FAM118A: variants seen among roughly 807,000 people sequenced by gnomAD.
FAM118A encodes protein FAM118A.
In FAM118A, 25 loss-of-function variants were observed where a neutral mutation model predicts 38.2. That is an observed-to-expected ratio of 0.65 (90% CI 0.48 to 0.91). FAM118A has a LOEUF of 0.91. FAM118A is among the 40% of genes least tolerant of loss of function. The pLI, the probability that FAM118A is intolerant of heterozygous loss-of-function variation, is 0.00. For missense variants in FAM118A, 425 were observed against 463.3 expected (o/e 0.92, Z 0.76); for synonymous variants, 178 against 184.1 (o/e 0.97, Z 0.27).
intron 8 of FAM118A, among the ~76,000 whole-genome samples, chr22:45,339,772 C>T (rs1188669121): frequency 6.6e-6 from 1 of 152,198 alleles, no homozygotes; most frequent in Non-Finnish European, 1.5e-5. Flanking sequence ...TAGATTTTGT[C>T]CCCCCGTGGC....
chr22:45,324,401 A>G (rs960751681), intron 3 of FAM118A, among the ~76,000 whole-genome samples: 2 of 152,002 alleles, frequency 1.3e-5, no homozygotes, highest in Non-Finnish European at 2.9e-5. Flanking sequence ...TGGAGGAGGG[A>G]AGTGCGGGGA....
chr22:45,340,663 A>C lies in FAM118A; in HGVS notation c.*258A>C. 1.9e-6 allele frequency: 1 copy of C among 538,024 alleles called. No individual in the cohort carries two copies. The highest frequency in any genetic ancestry group is 3.3e-5 in the Admixed American group (1 of 30,510). 33.3% of individuals were successfully genotyped at this position (538,024 alleles called of 1,614,324 possible). On this transcript the variant is annotated 3_prime_UTR_variant, in exon 9 of 9. Coordinates refer to ENST00000441876, the MANE Select transcript of FAM118A (RefSeq NM_017911.4). ...GATGGATAGCTACCTCAGGGACCAGAATCCGTGGGAAGGGATGGACCTGGT... is the reference window on the plus strand; with the variant it reads ...GATGGATAGCTACCTCAGGGACCAGCATCCGTGGGAAGGGATGGACCTGGT...
At chr22:45,313,329 T>G (rs2084461007) in intron 1 of FAM118A, among the ~76,000 whole-genome samples, 1 of 150,716 alleles carries the variant, frequency 6.6e-6, no homozygotes, top group African/African-American at 2.4e-5. Context: ...GTTTTTTTTT[T>G]TTTTTTTTTT....
At chr22:45,325,859 A>C (rs1435325871) in intron 3 of FAM118A, among the ~76,000 whole-genome samples, 1 of 152,192 alleles carries the variant, frequency 6.6e-6, no homozygotes, top group East Asian at 1.9e-4. Context: ...GGGAGCCCCC[A>C]GGAAGGGTCT....
At chr22:45,331,524 G>A (rs149546928) in intron 5 of FAM118A, among the ~76,000 whole-genome samples, 2 of 152,202 alleles carry the variant, frequency 1.3e-5, no homozygotes, top group Non-Finnish European at 2.9e-5. Context: ...GCAGGTGTGT[G>A]CCCCTACTCC....
chr22:45,317,412 C>G (rs2084653519), intron 1 of FAM118A, among the ~76,000 whole-genome samples: 1 of 152,184 alleles, frequency 6.6e-6, no homozygotes, highest in Non-Finnish European at 1.5e-5. Context: ...TTAAAGGATA[C>G]TTTTGAGGAT....
rs769041987 is a variant in FAM118A, at chr22:45,336,356, G to A, written c.999G>A (p.Arg333=). The change falls in exon 8 of 9, where the codon AGG becomes AGA. Residue 333 remains arginine (R), a synonymous_variant. Transcript: ENST00000441876. ...LGNACQDCAK[R]KLEENGIEVS... is the part of the protein sequence containing the mutation. ...ATGCATGCCAGGACTGTGCAAAGAG[G>A]AAGTTAGAAGAGAATGGAATTGAAG... The A allele has an allele frequency of 6.2e-7, 1 of 1,613,994 alleles. No homozygotes were observed. Among genetic ancestry groups the A allele is most frequent in the South Asian group, 1.1e-5 (1 of 91,076 alleles).
chr22:45,327,365 T>A (rs1182126488), intron 3 of FAM118A, among the ~76,000 whole-genome samples: 1 of 149,566 alleles, frequency 6.7e-6, no homozygotes, highest in Non-Finnish European at 1.5e-5. Context: ...AAAGCCAGAG[T>A]CTTTACAGTG....
At chr22:45,328,496 G>C (rs1294855464) in intron 4 of FAM118A, 1 of 810,288 alleles carries the variant, frequency 1.2e-6, no homozygotes, top group Non-Finnish European at 2.2e-6. Flanking sequence ...GCCAGGCATG[G>C]TGGCGCCTGC....
In FAM118A at chr22:45,341,324, C is replaced by G. The variant is rs903109914; in HGVS notation, c.*919C>G. On this transcript the variant is annotated 3_prime_UTR_variant, in exon 9 of 9. Transcript: ENST00000441876. ...GTCTGATATTGCTAAGAACTGAAAT[C>G]GGAGGAGCCAGAGGCCCTTTTCAGT... 6.6e-6 allele frequency: 1 copy of G among 152,186 alleles called. No homozygotes were observed. Among genetic ancestry groups the G allele is most frequent in the Admixed American group, 6.5e-5 (1 of 15,274 alleles). The allele number at this position is 152,186 out of a possible 1,614,324, so 9.4% of individuals were successfully genotyped here.
chr22:45,332,592 G>A lies in FAM118A; in HGVS notation c.819G>A (p.Lys273=), dbSNP rs146405434. ...VLKENEDHFF[K]HQADMLLHGI... ...AGGAGAATGAAGACCATTTCTTTAA[G>A]CATCAGGCAGATATGCTTCTGCACG... Residue 273 remains lysine (K), a synonymous_variant, in exon 6 of 9, where the codon AAG becomes AAA. Transcript: ENST00000441876. 2 of 1,614,076 alleles carry A rather than the reference G, an allele frequency of 1.2e-6. No homozygotes were observed. Among genetic ancestry groups the A allele is most frequent in the Non-Finnish European group, 1.7e-6 (2 of 1,180,050 alleles).
At chr22:45,310,468 TGCTTCCA>T (rs1199762815) in intron 1 of FAM118A, among the ~76,000 whole-genome samples, 1 of 152,028 alleles carries the variant, frequency 6.6e-6, no homozygotes, top group Non-Finnish European at 1.5e-5. Flanking sequence ...CCTTGGGACT[TGCTTCCA>T]GCAACCTCCT....
intron 3 of FAM118A, 117 bp downstream of exon 3, chr22:45,323,544 C>T (rs528745285): frequency 4.4e-5 from 58 of 1,322,548 alleles, no homozygotes; most frequent in African/African-American, 1.9e-4. Flanking sequence ...TCAGCAGAGT[C>T]GGGCTGATGA....
intron 7 of FAM118A, 135 bp from the exon 8 acceptor site, chr22:45,336,193 G>A (rs1401503338): frequency 6.5e-6 from 4 of 611,346 alleles, no homozygotes; most frequent in East Asian, 2.9e-5. Context: ...GAGAGAAGCC[G>A]TAGCGTGGTT....
At position 45,335,207 on chromosome 22, in the gene FAM118A, G is replaced by A. The variant is rs991329410; in HGVS notation, c.938-143G>A. On this transcript the variant is annotated intron_variant, in intron 6 of 8. Transcript: ENST00000441876. Reference sequence around the variant, plus strand: ...GGTAGAGGTGAGGGCAGCGAGCAGCGCAGGAGTCCGCAGCCCGCGCGGGCT... The same window carrying A: ...GGTAGAGGTGAGGGCAGCGAGCAGCACAGGAGTCCGCAGCCCGCGCGGGCT... 250 of 792,646 alleles carry A rather than the reference G, an allele frequency of 3.2e-4. 2 individuals carry two copies. The highest frequency in any genetic ancestry group is 3.5e-5 in the African/African-American group (2 of 57,876). 49.1% of individuals were successfully genotyped at this position (792,646 alleles called of 1,614,324 possible). A position where few individuals can be genotyped will look rare whatever the true frequency, so the allele number is the denominator to read the frequency against.
chr22:45,320,291 G>A (rs751605109), intron 1 of FAM118A, among the ~76,000 whole-genome samples: 4 of 151,942 alleles, frequency 2.6e-5, no homozygotes, highest in Non-Finnish European at 4.4e-5. Flanking sequence ...GTGAAATCCC[G>A]TCTCTATGAA....
At position 45,330,633 on chromosome 22, in the gene FAM118A, T is replaced by TGAC; in HGVS notation, c.553_554insGAC (p.Tyr185delinsTer). The stretch of plus-strand genomic sequence containing the variant: ...TGAATGGGCAAGAGGGCACATGAAG[T>TGAC]ACGGCGTCCTCCACATTCACGGCCT... On this transcript the variant is annotated stop_gained, in exon 5 of 9. Coordinates refer to ENST00000441876, the MANE Select transcript of FAM118A (RefSeq NM_017911.4). LOFTEE classifies it high-confidence loss of function. The TGAC allele has an allele frequency of 6.3e-7, 1 of 1,594,502 alleles. No homozygotes were observed. The highest frequency in any genetic ancestry group is 1.1e-5 in the South Asian group (1 of 88,142).
intron 1 of FAM118A, among the ~76,000 whole-genome samples, chr22:45,315,728 C>T (rs2084578322): frequency 6.6e-6 from 1 of 151,412 alleles, no homozygotes; most frequent in African/African-American, 2.4e-5. Flanking sequence ...GAGAGGTCTA[C>T]CTGGCTGGGG....
At position 45,323,289 on chromosome 22, in the gene FAM118A, C is replaced by T. The variant is rs773478048; in HGVS notation, c.162C>T (p.Ser54=). 2 of 1,614,208 alleles carry T rather than the reference C, an allele frequency of 1.2e-6. No individual in the cohort carries two copies. Residue 54 remains serine (S), a synonymous_variant, in exon 3 of 9, where the codon AGC becomes AGT. Transcript: ENST00000441876. ...TCCCTGCCCTTTGCTCGTGGAGAAG[C>T]TGCATCGAGGCCGTCATCGAGGCTG... ...PGIPALCSWR[S]CIEAVIEAAE...
Sources: allele counts gnomAD v4.1 joint callset (sites outside exome capture counted in the v4.1 genomes callset), GRCh38; gene constraint gnomAD v4.1.1; transcripts MANE v1.5; gene names NCBI Gene and HGNC (gene_info 2026-07-23, HGNC 2026-07-21).